PNLIPRP1: variants seen among roughly 807,000 people sequenced by gnomAD.
The protein encoded by PNLIPRP1 is inactive pancreatic lipase-related protein 1.
In PNLIPRP1, 57 loss-of-function variants were observed where a neutral mutation model predicts 54.6. The observed-to-expected ratio is 1.04, with a 90% CI of 0.84 to 1.30. The LOEUF is 1.30. Ranked by LOEUF, PNLIPRP1 falls within the 50% of genes most tolerant of loss-of-function variation. The pLI, the probability that PNLIPRP1 is intolerant of heterozygous loss-of-function variation, is 0.00. For synonymous variants in PNLIPRP1, 232 were observed against 208.8 expected, an observed-to-expected ratio of 1.11 and a Z score of -0.96; for missense variants, 567 against 568.5, an observed-to-expected ratio of 1.00 and a Z score of 0.03.
At chr10:116,591,496 GA>G (rs1847635274) in intron 2 of PNLIPRP1, among the ~76,000 whole-genome samples, 7 of 152,208 alleles carry the variant, frequency 4.6e-5, no homozygotes, top group African/African-American at 1.7e-4. Context: ...TGTATCAGAA[GA>G]GCTAGGAATG....
At chr10:116,595,993 A>G (rs1476129075) in intron 5 of PNLIPRP1, 8 of 502,194 alleles carry the variant, frequency 1.6e-5, no homozygotes, top group Non-Finnish European at 2.9e-5. Flanking sequence ...GCTATGATGT[A>G]TTCGAGGGTC....
chr10:116,596,010 T>C (rs1847728482), intron 5 of PNLIPRP1: 1 of 538,614 alleles, frequency 1.9e-6, no homozygotes, highest in African/African-American at 1.9e-5. Context: ...GGTCTGAAAG[T>C]TCAACAAAGG....
intron 4 of PNLIPRP1, chr10:116,593,167 CAAAA>C (rs57951858): frequency 8.9e-5 from 7 of 79,072 alleles, no homozygotes; most frequent in Admixed American, 1.5e-4. Context: ...GACTCCATCT[CAAAA>C]AAAAAAAAAA....
chr10:116,609,031 C>CT (rs1554865947), intron 12 of PNLIPRP1, 22 bp from the exon 13 acceptor site: 2 of 1,594,894 alleles, frequency 1.3e-6, no homozygotes, highest in African/African-American at 2.7e-5. Flanking sequence ...CAAACTCTTA[C>CT]AAAGCTTCCT....
chr10:116,594,709 C>G (rs1288435662), intron 4 of PNLIPRP1, 21 bp from the exon 5 acceptor site: 1 of 1,613,950 alleles, frequency 6.2e-7, no homozygotes, highest in Non-Finnish European at 8.5e-7. Flanking sequence ...CTCCCCAACC[C>G]CACTATCTCC....
chr10:116,603,757 A>C (rs1311589897), intron 10 of PNLIPRP1, among the ~76,000 whole-genome samples: 1 of 152,042 alleles, frequency 6.6e-6, no homozygotes, highest in Non-Finnish European at 1.5e-5. Flanking sequence ...GCCAGGCGTG[A>C]TGGTGTGTGC....
chr10:116,591,854 C>A lies in PNLIPRP1; in HGVS notation c.133C>A (p.Leu45Ile), dbSNP rs1443149015. 1.9e-6 allele frequency: 3 copies of A among 1,614,216 alleles called. No homozygotes were observed. The highest frequency in any genetic ancestry group is 2.5e-6 in the Non-Finnish European group (3 of 1,180,036). The change falls in exon 3 of 13, where the codon CTC becomes ATC. Residue 45 changes from leucine to isoleucine, a missense_variant. Leu to Ile is a conservative substitution (Grantham distance 5). Transcript: ENST00000358834. ...GACAGCAATCAGGCCCCTGAAAATT[C>A]TCCCCTGGAGCCCTGAGAAGATCGG... Reference protein sequence around the residue: ...GGTAIRPLKILPWSPEKIGTR... With the variant: ...GGTAIRPLKIIPWSPEKIGTR...
Position 116,605,358 on chromosome 10 carries a change from A to G in PNLIPRP1, c.1173-28A>G. 2.0e-6 allele frequency: 3 copies of G among 1,464,040 alleles called. No individual in the cohort carries two copies. The South Asian group carries it at 4.0e-5, about 19-fold the overall frequency. 90.7% of individuals were successfully genotyped at this position (1,464,040 alleles called of 1,614,324 possible). On this transcript the variant is annotated intron_variant, in intron 11 of 12. Transcript: ENST00000358834. ...GTAATTAGAACTCATTTCCGTGAAC[A>G]GGGATGTTTATGTTTCTCTATTTCA...
Position 116,598,126 on chromosome 10 carries a change from T to C in PNLIPRP1, c.774T>C (p.Asn258=). The change falls in exon 8 of 13, where the codon AAT becomes AAC. Residue 258 remains asparagine, a synonymous_variant. Transcript: ENST00000358834. ...AGAGCATGCCGGGATGCAAGAAGAA[T>C]GCCCTGTCTCAGATCGTGGATCTAG... The part of the protein sequence containing the change: ...GGESMPGCKK[N]ALSQIVDLDG... 6.2e-7 allele frequency: 1 copy of C among 1,614,136 alleles called. No homozygotes were observed. The highest frequency in any genetic ancestry group is 8.5e-7 in the Non-Finnish European group (1 of 1,180,008).
At chr10:116,594,254 C>T (rs1847693717) in intron 4 of PNLIPRP1, 1 of 469,856 alleles carries the variant, frequency 2.1e-6, no homozygotes, top group East Asian at 6.2e-5. Flanking sequence ...CATGTGTCTA[C>T]TCCATGAAGT....
At chr10:116,591,254 T>C in intron 2 of PNLIPRP1, 76 bp downstream of exon 2, 1 of 1,166,854 alleles carries the variant, frequency 8.6e-7, no homozygotes, top group Non-Finnish European at 1.3e-6. Flanking sequence ...AAGCTTTAAC[T>C]GTGGCAGGGC....
chr10:116,605,303 G>T, intron 11 of PNLIPRP1, 83 bp from the exon 12 acceptor site: 2 of 726,122 alleles, frequency 2.8e-6, no homozygotes, highest in South Asian at 6.8e-5. Context: ...TGTTAATCTA[G>T]AAGAGAAAAC....
intron 10 of PNLIPRP1, among the ~76,000 whole-genome samples, chr10:116,602,759 TTGTG>T (rs755144447): frequency 5.9e-5 from 9 of 152,164 alleles, no homozygotes; most frequent in South Asian, 2.1e-4. Flanking sequence ...GTGAGTGTGT[TTGTG>T]TATGTACCTT....
At chr10:116,603,816 C>T (rs1217644896) in intron 10 of PNLIPRP1, among the ~76,000 whole-genome samples, 3 of 152,132 alleles carry the variant, frequency 2.0e-5, no homozygotes, top group African/African-American at 7.2e-5. Flanking sequence ...TTACTTGAAC[C>T]TGGGAGGCAG....
chr10:116,592,477 C>G lies in PNLIPRP1; in HGVS notation c.266C>G (p.Thr89Ser). ...EASNFQMDRK[T>S]RFIIHGFIDK... ...TCAAATTTTCAAATGGACAGAAAGACCCGGTTCATCATCCATGGCTTCATA... is the reference window on the plus strand; with the variant it reads ...TCAAATTTTCAAATGGACAGAAAGAGCCGGTTCATCATCCATGGCTTCATA... The change falls in exon 4 of 13, where the codon ACC becomes AGC. Residue 89 changes from threonine to serine, a missense_variant. Coordinates refer to ENST00000358834, the MANE Select transcript of PNLIPRP1 (RefSeq NM_006229.4). 1 of 1,614,014 alleles carries G rather than the reference C, an allele frequency of 6.2e-7. No homozygotes were observed. Among genetic ancestry groups the G allele is most frequent in the Non-Finnish European group, 8.5e-7 (1 of 1,179,928 alleles).
At chr10:116,597,322 G>C (rs1450380946) in intron 6 of PNLIPRP1, among the ~76,000 whole-genome samples, 1 of 152,150 alleles carries the variant, frequency 6.6e-6, no homozygotes, top group Non-Finnish European at 1.5e-5. Flanking sequence ...TCAAATAGAT[G>C]CCATTATCAC....
At chr10:116,603,153 G>A (rs1179938731) in intron 10 of PNLIPRP1, among the ~76,000 whole-genome samples, 5 of 152,222 alleles carry the variant, frequency 3.3e-5, no homozygotes, top group African/African-American at 1.2e-4. Context: ...AGAAGCCTAA[G>A]TGACAGCTGC....
At chr10:116,592,831 C>T (rs782104955) in intron 4 of PNLIPRP1, 5 of 429,904 alleles carry the variant, frequency 1.2e-5, no homozygotes, top group East Asian at 5.6e-5. Flanking sequence ...ATCCTATAAG[C>T]GAGGGACTAT....
intron 4 of PNLIPRP1, chr10:116,594,309 T>C: frequency 1.9e-6 from 1 of 513,400 alleles, no homozygotes; most frequent in African/African-American, 1.9e-5. Context: ...TCTCTCTCAC[T>C]TTCCAGCAGC....
Sources: allele counts gnomAD v4.1 joint callset (sites outside exome capture counted in the v4.1 genomes callset), GRCh38; gene constraint gnomAD v4.1.1; transcripts MANE v1.5; gene names NCBI Gene and HGNC (gene_info 2026-07-23, HGNC 2026-07-21).